Variants in REEP6 observed in about 807,000 individuals in gnomAD.
The protein encoded by REEP6 is receptor expression-enhancing protein 6.
Under a neutral mutation model 22.4 loss-of-function variants are expected in REEP6, and 19 were observed. The ratio of observed to expected loss-of-function variants is 0.85; its 90% CI spans 0.59 to 1.25. The LOEUF (loss-of-function observed/expected upper bound fraction) is 1.25. Ranked by LOEUF, REEP6 falls within the 50% of genes most tolerant of loss-of-function variation. REEP6 has a pLI of 0.00. For missense variants in REEP6, 273 were observed against 251.9 expected (o/e 1.08, Z -0.57); for synonymous variants, 121 against 113.6 (o/e 1.06, Z -0.41).
chr19:1,493,439 G>A (rs1008102852), intron 1 of REEP6, among the ~76,000 whole-genome samples: 4 of 152,094 alleles, frequency 2.6e-5, no homozygotes, highest in South Asian at 2.1e-4. Flanking sequence ...GGGAGGGGCT[G>A]GGGGGACTTG....
At chr19:1,492,836 C>A (rs2145474461) in intron 1 of REEP6, among the ~76,000 whole-genome samples, 1 of 152,302 alleles carries the variant, frequency 6.6e-6, no homozygotes, top group East Asian at 1.9e-4. Flanking sequence ...GGTGCCTGGT[C>A]CCATGTGCAG....
chr19:1,495,521 T>C lies in REEP6; in HGVS notation c.262T>C (p.Tyr88His). 6.2e-7 allele frequency: 1 copy of C among 1,614,104 alleles called. No individual in the cohort carries two copies. The highest frequency in any genetic ancestry group is 8.5e-7 in the Non-Finnish European group (1 of 1,180,024). The change falls in exon 3 of 5, where the codon TAC becomes CAC. Residue 88 changes from tyrosine to histidine, a missense_variant. Coordinates refer to ENST00000233596, the MANE Select transcript of REEP6 (RefSeq NM_138393.4). ...GGACGACGACACTGTGTGGCTCACC[T>C]ACTGGGTGGTGTACGCCCTGTTTGG... ...SKDDDTVWLT[Y>H]WVVYALFGLA...
chr19:1,493,281 C>T (rs1279700290), intron 1 of REEP6, among the ~76,000 whole-genome samples: 2 of 152,168 alleles, frequency 1.3e-5, no homozygotes, highest in Non-Finnish European at 2.9e-5. Flanking sequence ...CCATCTCCCA[C>T]CTCCTTTAAA....
At chr19:1,496,815 G>A in intron 4 of REEP6, 1 of 584,504 alleles carries the variant, frequency 1.7e-6, no homozygotes, top group Non-Finnish European at 3.1e-6. Context: ...GCGTGTGCAT[G>A]GGCTCAAGTG....
rs1042715859 is a variant in REEP6 at position 1,497,402 on chromosome 19, C to T, written c.*191C>T. 7.0e-6 allele frequency: 5 copies of T among 719,120 alleles called. No homozygotes were observed. The highest frequency in any genetic ancestry group is 1.3e-5 in the Non-Finnish European group (5 of 389,012). 44.5% of individuals were successfully genotyped at this position (719,120 alleles called of 1,614,324 possible). A position where few individuals can be genotyped will look rare whatever the true frequency, so the allele number is the denominator to read the frequency against. ...AGTCCCAGTCCCAGTCCTCGGCCAC[C>T]CCCAGCTCTGGATCCCAGGGCCAGC... On this transcript the variant is annotated 3_prime_UTR_variant, in exon 5 of 5. Coordinates refer to ENST00000233596, the MANE Select transcript of REEP6 (RefSeq NM_138393.4). This position sits in a 1 kb window ranked among gnomAD's most constrained non-coding sequence, Gnocchi z 6.5.
Position 1,491,357 on chromosome 19 carries a change from G to T in REEP6, c.88G>T (p.Gly30Trp). 6.8e-7 allele frequency: 1 copy of T among 1,474,810 alleles called. No homozygotes were observed. Among genetic ancestry groups the T allele is most frequent in the Non-Finnish European group, 9.0e-7 (1 of 1,113,860 alleles). The allele number at this position is 1,474,810 out of a possible 1,614,324, so 91.4% of individuals were successfully genotyped here. A position where few individuals can be genotyped will look rare whatever the true frequency, so the allele number is the denominator to read the frequency against. Residue 30 changes from glycine (G) to tryptophan (W), a missense_variant, in exon 1 of 5, where the codon GGG becomes TGG. By Grantham distance (184) the Gly-to-Trp change is radical. Transcript: ENST00000233596. The surrounding 1 kb of genome is among the most constrained non-coding windows in gnomAD (Gnocchi z 5.4). ...EVLGALEAKT[G>W]VEKRYLAAGA... Reference sequence around the variant, plus strand: ...GCTGGGGGCGCTGGAGGCCAAGACCGGGGTGGAGAAGCGGTATCTGGCTGC... The same window carrying T: ...GCTGGGGGCGCTGGAGGCCAAGACCTGGGTGGAGAAGCGGTATCTGGCTGC...
chr19:1,492,390 C>T (rs1012945734), intron 1 of REEP6, among the ~76,000 whole-genome samples: 1 of 152,124 alleles, frequency 6.6e-6, no homozygotes, highest in Non-Finnish European at 1.5e-5. Flanking sequence ...GCCTCCCAAA[C>T]TGCTGGGATT....
At position 1,491,603 on chromosome 19, in the gene REEP6, C is replaced by T. The variant is rs1413107385; in HGVS notation, c.115+219C>T. Among the ~76,000 whole-genome samples, 1 of 152,214 alleles carries T rather than the reference C, an allele frequency of 6.6e-6. No homozygotes were observed. The highest frequency in any genetic ancestry group is 1.5e-5 in the Non-Finnish European group (1 of 68,032). On this transcript the variant is annotated intron_variant, in intron 1 of 4. Coordinates refer to ENST00000233596, the MANE Select transcript of REEP6 (RefSeq NM_138393.4). This position sits in a 1 kb window ranked among gnomAD's most constrained non-coding sequence, Gnocchi z 5.4. ...TCTCTAGCTTCCGCCCCTGGCCGCCCCCCGACGCCTCCTTCCGGGCGCTGG... is the reference window on the plus strand; with the variant it reads ...TCTCTAGCTTCCGCCCCTGGCCGCCTCCCGACGCCTCCTTCCGGGCGCTGG...
rs1200374850 is a variant in REEP6, at chr19:1,496,378, C to G, written c.442C>G (p.His148Asp). The G allele has an allele frequency of 6.2e-7, 1 of 1,613,270 alleles. No individual in the cohort carries two copies. Among genetic ancestry groups the G allele is most frequent in the South Asian group, 1.1e-5 (1 of 91,086 alleles). Residue 148 changes from histidine to aspartate, a missense_variant, in exon 4 of 5, where the codon CAC (histidine) becomes GAC (aspartate). Coordinates refer to ENST00000233596, the MANE Select transcript of REEP6 (RefSeq NM_138393.4). The stretch of plus-strand genomic sequence containing the variant: ...CGTGCGTCCGCTGTTCCTAAGGCAC[C>G]ACGGGGCCGTAGACAGAATCATGAA... The part of the protein sequence containing the change: ...RVVRPLFLRH[H>D]GAVDRIMNDL...
intron 3 of REEP6, chr19:1,496,034 G>A (rs757397980): frequency 2.7e-5 from 15 of 560,380 alleles, no homozygotes; most frequent in South Asian, 9.7e-5. Context: ...TGTGTCTGAC[G>A]GTGGAGACCC....
Position 1,495,586 on chromosome 19 carries a change from C to G in REEP6, c.327C>G (p.Phe109Leu). 1 of 1,614,084 alleles carries G rather than the reference C, an allele frequency of 6.2e-7. No individual in the cohort carries two copies. The highest frequency in any genetic ancestry group is 8.5e-7 in the Non-Finnish European group (1 of 1,180,014). Residue 109 changes from phenylalanine to leucine, a missense_variant, in exon 3 of 5, where the codon TTC becomes TTG. Physicochemically the swap from Phe to Leu is conservative, Grantham distance 22 (BLOSUM62 0). Transcript: ENST00000233596. ...EFFSDLLLSW[F>L]PFYYVGKCAF... ...TCAGCGATCTACTCCTGTCCTGGTT[C>G]CCTTTCTACTACGTGGGCAAGGTGG... is the stretch of plus-strand genomic sequence containing the variant.
In REEP6 at chr19:1,497,675, T is replaced by G; in HGVS notation, c.*464T>G. 2.1e-6 allele frequency: 1 copy of G among 474,950 alleles called. No homozygotes were observed. Among genetic ancestry groups the G allele is most frequent in the Non-Finnish European group, 4.3e-6 (1 of 230,584 alleles). 29.4% of individuals were successfully genotyped at this position (474,950 alleles called of 1,614,324 possible). A position where few individuals can be genotyped will look rare whatever the true frequency, so the allele number is the denominator to read the frequency against. ...CCACGCAGCCCCCCAGCAAGTCCTC[T>G]GGCAAGCCGGAGGACGCAGCCCCCA... On this transcript the variant is annotated 3_prime_UTR_variant, in exon 5 of 5. Transcript: ENST00000233596. This position sits in a 1 kb window ranked among gnomAD's most constrained non-coding sequence, Gnocchi z 6.5.
Position 1,497,278 on chromosome 19 carries a change from C to A in REEP6, c.*67C>A, listed in dbSNP as rs761166671. 2 of 1,406,888 alleles carry A rather than the reference C, an allele frequency of 1.4e-6. No homozygotes were observed. Among genetic ancestry groups the A allele is most frequent in the South Asian group, 1.2e-5 (1 of 81,542 alleles). 87.2% of individuals were successfully genotyped at this position (1,406,888 alleles called of 1,614,324 possible). On this transcript the variant is annotated 3_prime_UTR_variant, in exon 5 of 5. Transcript: ENST00000233596. This position sits in a 1 kb window ranked among gnomAD's most constrained non-coding sequence, Gnocchi z 6.5. ...GAGGGGGCCGCGCCAGGCTCCCAGG[C>A]CTCCACAGAGTCTTCAGCGCATCCC...
rs546794615 is a variant in REEP6 at position 1,497,919 on chromosome 19, C to T, written c.*708C>T. The T allele has an allele frequency of 4.6e-6, 2 of 434,794 alleles. No homozygotes were observed. The highest frequency in any genetic ancestry group is 7.2e-5 in the East Asian group (1 of 13,918). The allele number at this position is 434,794 out of a possible 1,614,324, so 26.9% of individuals were successfully genotyped here. On this transcript the variant is annotated 3_prime_UTR_variant, in exon 5 of 5. Coordinates refer to ENST00000233596, the MANE Select transcript of REEP6 (RefSeq NM_138393.4). The surrounding 1 kb of genome is among the most constrained non-coding windows in gnomAD (Gnocchi z 6.5). Reference sequence around the variant, plus strand: ...CTAGGAGGCTCCAATAAAGCTAACCCGGACCAGACCTGTGTGCCACGTGTG... The same window carrying T: ...CTAGGAGGCTCCAATAAAGCTAACCTGGACCAGACCTGTGTGCCACGTGTG...
rs1224347211 is a variant in REEP6 at position 1,491,304 on chromosome 19, T to C, written c.35T>C (p.Leu12Pro). 2 of 1,478,248 alleles carry C rather than the reference T, an allele frequency of 1.4e-6. No individual in the cohort carries two copies. Among genetic ancestry groups the C allele is most frequent in the South Asian group, 2.6e-5 (2 of 75,626 alleles). The allele number at this position is 1,478,248 out of a possible 1,614,324, so 91.6% of individuals were successfully genotyped here. Residue 12 changes from leucine (L) to proline (P), a missense_variant, in exon 1 of 5, where the codon CTG (leucine) becomes CCG (proline). Physicochemically the swap from Leu to Pro is moderately conservative, Grantham distance 98 (BLOSUM62 -3). Transcript: ENST00000233596. This position sits in a 1 kb window ranked among gnomAD's most constrained non-coding sequence, Gnocchi z 5.4. ...DGLRQRVEHF[L>P]EQRNLVTEVL... ...CTGAGGCAGCGCGTGGAGCACTTCC[T>C]GGAGCAAAGGAACCTGGTCACCGAA...
At chr19:1,493,535 T>C (rs1459591729) in intron 1 of REEP6, among the ~76,000 whole-genome samples, 2 of 151,962 alleles carry the variant, frequency 1.3e-5, no homozygotes, top group African/African-American at 4.8e-5. Flanking sequence ...CTGTCCAAGC[T>C]CTCTGGAGCA....
At chr19:1,497,000 T>C (rs768751651) in intron 4 of REEP6, among the ~76,000 whole-genome samples, 174 bp from the exon 5 acceptor site, 2 of 152,168 alleles carry the variant, frequency 1.3e-5, no homozygotes, top group Non-Finnish European at 2.9e-5. Context: ...CACCCATCTG[T>C]GCATGGGTGA....
chr19:1,496,499 C>G (rs558346043), intron 4 of REEP6, 46 bp downstream of exon 4: 3 of 1,594,712 alleles, frequency 1.9e-6, no homozygotes, highest in East Asian at 4.5e-5. Context: ...TCTCCCGGGT[C>G]TGGACCTGTC....
Position 1,497,509 on chromosome 19 carries a change from C to G in REEP6, c.*298C>G. 1 of 667,644 alleles carries G rather than the reference C, an allele frequency of 1.5e-6. No homozygotes were observed. The highest frequency in any genetic ancestry group is 2.8e-6 in the Non-Finnish European group (1 of 353,146). The allele number at this position is 667,644 out of a possible 1,614,324, so 41.4% of individuals were successfully genotyped here. On this transcript the variant is annotated 3_prime_UTR_variant, in exon 5 of 5. Coordinates refer to ENST00000233596, the MANE Select transcript of REEP6 (RefSeq NM_138393.4). The surrounding 1 kb of genome is among the most constrained non-coding windows in gnomAD (Gnocchi z 6.5). ...CGGGCACAGGGCAGCTCCCACTGGT[C>G]TCGGCAACACACCCAGCCGCCTGGT...
Sources: allele counts gnomAD v4.1 joint callset (sites outside exome capture counted in the v4.1 genomes callset), GRCh38; gene constraint gnomAD v4.1.1; non-coding constraint Gnocchi (gnomAD v3.1); transcripts MANE v1.5; gene names NCBI Gene and HGNC (gene_info 2026-07-23, HGNC 2026-07-21).